Variants in WSCD1 observed in about 807,000 individuals in gnomAD.
WSCD1 encodes the protein WSC domain sialate O sulfotransferase 1.
In WSCD1, 41 loss-of-function variants were observed where a neutral mutation model predicts 60.4. That is an observed-to-expected ratio of 0.68 (90% CI 0.53 to 0.88). The LOEUF (loss-of-function observed/expected upper bound fraction) is 0.88. WSCD1 is among the 40% of genes least tolerant of loss of function. WSCD1 has a pLI of 0.00. For missense variants in WSCD1, 784 were observed against 796.2 expected (o/e 0.98, Z 0.18); for synonymous variants, 361 against 332.5 (o/e 1.09, Z -0.93).
intron 2 of WSCD1, 132 bp downstream of exon 2, chr17:6,081,217 G>GCCCCTTCCTGTCCT: frequency 8.7e-7 from 1 of 1,146,516 alleles, no homozygotes; most frequent in South Asian, 1.7e-5. Context: ...TGCTCTGCAG[G>GCCCCTTCCTGTCCT]ACAGGAAGGG....
intron 4 of WSCD1, among the ~76,000 whole-genome samples, chr17:6,091,911 C>T (rs1165647425): frequency 6.6e-6 from 1 of 152,196 alleles, no homozygotes; most frequent in African/African-American, 2.4e-5. Flanking sequence ...AATCCCAGCA[C>T]TTTGGGAGGC....
At chr17:6,077,174 C>T (rs557221125) in intron 1 of WSCD1, among the ~76,000 whole-genome samples, 16 of 151,324 alleles carry the variant, frequency 1.1e-4, no homozygotes, top group Admixed American at 3.3e-4. Flanking sequence ...CTGCAACCTC[C>T]GCCTCCCAGG....
intron 1 of WSCD1, among the ~76,000 whole-genome samples, chr17:6,076,711 G>A (rs1021390094): frequency 1.3e-5 from 2 of 152,204 alleles, no homozygotes; most frequent in African/African-American, 4.8e-5. Context: ...GCTGGCTTTC[G>A]GATGTAGTGG....
At chr17:6,095,267 TG>T (rs1341645110) in intron 5 of WSCD1, 44 bp downstream of exon 5, 6 of 1,586,674 alleles carry the variant, frequency 3.8e-6, no homozygotes, top group Non-Finnish European at 5.1e-6. Context: ...TTTAAGTGTG[TG>T]TGGTGGTCCT....
intron 5 of WSCD1, among the ~76,000 whole-genome samples, chr17:6,108,899 T>C (rs1911249622): frequency 6.6e-6 from 1 of 152,220 alleles, no homozygotes; most frequent in Non-Finnish European, 1.5e-5. Context: ...CCCTCCATTT[T>C]GAAGAATCCT....
intron 5 of WSCD1, among the ~76,000 whole-genome samples, chr17:6,108,894 C>A (rs1166687686): frequency 6.6e-6 from 1 of 152,212 alleles, no homozygotes; most frequent in African/African-American, 2.4e-5. Context: ...GGCCCCCCTC[C>A]ATTTTGAAGA....
At chr17:6,081,579 C>T (rs1481863864) in intron 2 of WSCD1, among the ~76,000 whole-genome samples, 2 of 151,768 alleles carry the variant, frequency 1.3e-5, no homozygotes, top group Non-Finnish European at 2.9e-5. Flanking sequence ...GGTGTGGTGG[C>T]GCATACCTGT....
chr17:6,110,989 C>T lies in WSCD1; in HGVS notation c.1174+54C>T. 6 of 1,543,614 alleles carry T rather than the reference C, an allele frequency of 3.9e-6. No individual in the cohort carries two copies. In the South Asian group the frequency reaches 7.4e-5, roughly 19 times the overall value. On this transcript the variant is annotated intron_variant, in intron 7 of 8. Transcript: ENST00000317744. This position sits in a 1 kb window ranked among gnomAD's most constrained non-coding sequence, Gnocchi z 4.8. ...AGGCAGCTCCCGGTGACCAAACTGT[C>T]ACCTTGCCAGCCAAGCTTCTCAGAG...
chr17:6,074,809 C>A (rs1908747037), intron 1 of WSCD1, among the ~76,000 whole-genome samples: 2 of 152,218 alleles, frequency 1.3e-5, no homozygotes, highest in African/African-American at 4.8e-5. Context: ...GCTTGTCAAT[C>A]CCTGGGAAGC....
chr17:6,085,423 GTTACC>G (rs1005842574), intron 2 of WSCD1, among the ~76,000 whole-genome samples: 28 of 151,364 alleles, frequency 1.8e-4, no homozygotes, highest in African/African-American at 6.9e-4. Flanking sequence ...TTTTACATGT[GTTACC>G]TTATGGAATT....
chr17:6,080,587 C>T lies in WSCD1; in HGVS notation c.-72C>T. 1 of 1,545,954 alleles carries T rather than the reference C, an allele frequency of 6.5e-7. No individual in the cohort carries two copies. The highest frequency in any genetic ancestry group is 8.8e-7 in the Non-Finnish European group (1 of 1,135,568). On this transcript the variant is annotated 5_prime_UTR_variant, in exon 2 of 9. Transcript: ENST00000317744. The surrounding 1 kb of genome is among the most constrained non-coding windows in gnomAD (Gnocchi z 6.6). ...ATGCAAGGATGACGCCTCCGGAGGC[C>T]CTGGCCTCACTCCCACCTGGGCGCT...
At chr17:6,085,220 A>G (rs1207175787) in intron 2 of WSCD1, among the ~76,000 whole-genome samples, 1 of 152,216 alleles carries the variant, frequency 6.6e-6, no homozygotes, top group Non-Finnish European at 1.5e-5. Context: ...ATAGACATAC[A>G]TCTGTTATCT....
chr17:6,099,253 A>G (rs781532903), intron 5 of WSCD1, among the ~76,000 whole-genome samples: 1 of 152,104 alleles, frequency 6.6e-6, no homozygotes, highest in Non-Finnish European at 1.5e-5. Flanking sequence ...ACGGTGGCTC[A>G]TGCCTGTAAT....
chr17:6,091,205 T>C (rs1034907619), intron 4 of WSCD1, among the ~76,000 whole-genome samples: 3 of 152,236 alleles, frequency 2.0e-5, no homozygotes, highest in Non-Finnish European at 2.9e-5. Context: ...GAGACCTAGA[T>C]TTCTAGCAGT....
At chr17:6,111,546 C>T (rs1260971974) in intron 7 of WSCD1, among the ~76,000 whole-genome samples, 1 of 151,790 alleles carries the variant, frequency 6.6e-6, no homozygotes, top group Admixed American at 6.6e-5. Flanking sequence ...ACTAAAAATA[C>T]AAAAATTAGC....
At chr17:6,111,459 G>T (rs1314694619) in intron 7 of WSCD1, among the ~76,000 whole-genome samples, 4 of 152,186 alleles carry the variant, frequency 2.6e-5, no homozygotes, top group African/African-American at 9.7e-5. Flanking sequence ...CTAACACTTT[G>T]GGAGGCTGAG....
In WSCD1 at chr17:6,121,258, A is replaced by G. The variant is rs913693071; in HGVS notation, c.*597A>G. 1.3e-5 allele frequency: 2 copies of G among 153,274 alleles called. No individual in the cohort carries two copies. The highest frequency in any genetic ancestry group is 1.9e-4 in the East Asian group (1 of 5,178). The allele number at this position is 153,274 out of a possible 1,614,324, so 9.5% of individuals were successfully genotyped here. A position where few individuals can be genotyped will look rare whatever the true frequency, so the allele number is the denominator to read the frequency against. On this transcript the variant is annotated 3_prime_UTR_variant, in exon 9 of 9. Coordinates refer to ENST00000317744, the MANE Select transcript of WSCD1 (RefSeq NM_015253.2). ...GCCCTGGCCGTGTGTCTGACATCCC[A>G]TAAATGTGTGTGTGGTGTGACTACG... is the stretch of plus-strand genomic sequence containing the variant.
At chr17:6,090,226 T>G in intron 3 of WSCD1, 95 bp from the exon 4 acceptor site, 1 of 1,286,756 alleles carries the variant, frequency 7.8e-7, no homozygotes, top group South Asian at 1.7e-5. Context: ...AAAAACATAC[T>G]TTCTAATCTA....
intron 7 of WSCD1, among the ~76,000 whole-genome samples, chr17:6,111,488 G>T (rs1911404271): frequency 6.6e-6 from 1 of 152,188 alleles, no homozygotes; most frequent in Admixed American, 6.5e-5. Context: ...ATCGCCTGAG[G>T]TCAGGAGTTT....
Sources: allele counts gnomAD v4.1 joint callset (sites outside exome capture counted in the v4.1 genomes callset), GRCh38; gene constraint gnomAD v4.1.1; non-coding constraint Gnocchi (gnomAD v3.1); transcripts MANE v1.5; gene names NCBI Gene and HGNC (gene_info 2026-07-23, HGNC 2026-07-21).